Variants in RNF187 observed in about 807,000 individuals in gnomAD.
RNF187 encodes ring finger protein 187.
In RNF187, 18 loss-of-function variants were observed where a neutral mutation model predicts 22.2. The ratio of observed to expected loss-of-function variants is 0.81; its 90% CI spans 0.56 to 1.20. The LOEUF (loss-of-function observed/expected upper bound fraction) is 1.20, where lower values mean the gene tolerates loss of function less well. Ranked by LOEUF, RNF187 falls within the 50% of genes most tolerant of loss-of-function variation. The probability of loss-of-function intolerance (pLI) is 0.00; values close to 1 mark genes in which losing one functional copy is unlikely to be tolerated. For synonymous variants in RNF187, 164 were observed against 140.9 expected (o/e 1.16, Z -1.16); for missense variants, 329 against 317.6 (o/e 1.04, Z -0.27).
chr1:228,495,623 C>T lies in RNF187; in HGVS notation c.*1738C>T. The T allele has an allele frequency of 1.0e-6, 1 of 985,600 alleles. No individual in the cohort carries two copies. Among genetic ancestry groups the T allele is most frequent in the Non-Finnish European group, 1.2e-6 (1 of 829,956 alleles). The allele number at this position is 985,600 out of a possible 1,614,324, so 61.1% of individuals were successfully genotyped here. ...CCCGGACAGGTCCTGATGGCAGAGT[C>T]TCCCACAACATCAGTGTCTCCACAT... On this transcript the variant is annotated 3_prime_UTR_variant, in exon 4 of 4. Coordinates refer to ENST00000305943, the MANE Select transcript of RNF187 (RefSeq NM_001010858.3).
chr1:228,493,784 G>C lies in RNF187; in HGVS notation c.706-99G>C. The C allele has an allele frequency of 5.5e-5, 71 of 1,292,396 alleles. No individual in the cohort carries two copies. Among genetic ancestry groups the C allele is most frequent in the Non-Finnish European group, 7.5e-5 (68 of 912,166 alleles). The allele number at this position is 1,292,396 out of a possible 1,614,324, so 80.1% of individuals were successfully genotyped here. ...CAGTACCTCATGCGCTGTCTCATGTGCGCTCTCTCTTTCGCTCTCTCCTTT... is the reference window on the plus strand; with the variant it reads ...CAGTACCTCATGCGCTGTCTCATGTCCGCTCTCTCTTTCGCTCTCTCCTTT... On this transcript the variant is annotated intron_variant, in intron 3 of 3. Coordinates refer to ENST00000305943, the MANE Select transcript of RNF187 (RefSeq NM_001010858.3). This position sits in a 1 kb window ranked among gnomAD's most constrained non-coding sequence, Gnocchi z 4.7.
chr1:228,491,406 A>AAAT lies in RNF187; in HGVS notation c.484-1645_484-1644insTAA. Among the ~76,000 whole-genome samples the AAAT allele has an allele frequency of 4.7e-4, 70 of 149,328 alleles. 2 individuals carry two copies. In the East Asian group the frequency reaches 9.2e-3, roughly 20 times the overall value. On this transcript the variant is annotated intron_variant, in intron 2 of 3. Transcript: ENST00000305943. ...CTATCTCAAAAAAAAAAAAAAAAAA[A>AAAT]AAATAAAGGGAGATGGGTTAATGGG...
intron 2 of RNF187, among the ~76,000 whole-genome samples, chr1:228,491,989 C>T: frequency 1.2e-3 from 184 of 152,266 alleles, no homozygotes; most frequent in African/African-American, 4.3e-3. Flanking sequence ...GGGAGGGCGT[C>T]TTTCACTTGG....
intron 2 of RNF187, among the ~76,000 whole-genome samples, chr1:228,491,643 T>C: frequency 2.8e-4 from 43 of 152,054 alleles, no homozygotes; most frequent in African/African-American, 8.9e-4. Flanking sequence ...TTTCACCATG[T>C]TGGCCAGGCT....
chr1:228,487,689 G>C lies in RNF187; in HGVS notation c.201G>C (p.Pro67=). Residue 67 remains proline, a synonymous_variant, in exon 1 of 4, where the codon CCG becomes CCC. Transcript: ENST00000305943. ...GCGCCGTGGAGCCCGGCAGGCCCCC[G>C]CTCAGCCGCCGCCTTCTGGCGCTCG... 9.3e-7 allele frequency: 1 copy of C among 1,078,624 alleles called. No individual in the cohort carries two copies. Among genetic ancestry groups the C allele is most frequent in the African/African-American group, 1.7e-5 (1 of 58,806 alleles). 66.8% of individuals were successfully genotyped at this position (1,078,624 alleles called of 1,614,324 possible).
In RNF187 at chr1:228,493,740, G is replaced by C; in HGVS notation, c.706-143G>C. Reference sequence around the variant, plus strand: ...GAGACGGAAGTCTGGGCCAGGCCCTGGGTTTGTTGTGCTCAGGACAGTACC... The same window carrying C: ...GAGACGGAAGTCTGGGCCAGGCCCTCGGTTTGTTGTGCTCAGGACAGTACC... On this transcript the variant is annotated intron_variant, in intron 3 of 3. Transcript: ENST00000305943. The surrounding 1 kb of genome is among the most constrained non-coding windows in gnomAD (Gnocchi z 4.7). 1 of 938,044 alleles carries C rather than the reference G, an allele frequency of 1.1e-6. No homozygotes were observed. Among genetic ancestry groups the C allele is most frequent in the Non-Finnish European group, 1.7e-6 (1 of 597,416 alleles). The allele number at this position is 938,044 out of a possible 1,614,324, so 58.1% of individuals were successfully genotyped here.
chr1:228,487,421 C>T lies in RNF187; in HGVS notation c.-68C>T, dbSNP rs1422478165. 46 of 1,084,230 alleles carry T rather than the reference C, an allele frequency of 4.2e-5. No homozygotes were observed. The highest frequency in any genetic ancestry group is 4.1e-4 in the Middle Eastern group (1 of 2,426). The allele number at this position is 1,084,230 out of a possible 1,614,324, so 67.2% of individuals were successfully genotyped here. ...CCTGTTGCTGGTCTCCGTCCGGTCGCCGGCCGTCTAGGTCTCCGGCCCTCC... is the reference window on the plus strand; with the variant it reads ...CCTGTTGCTGGTCTCCGTCCGGTCGTCGGCCGTCTAGGTCTCCGGCCCTCC... On this transcript the variant is annotated 5_prime_UTR_variant, in exon 1 of 4. Transcript: ENST00000305943.
At position 228,487,482 on chromosome 1, in the gene RNF187, C is replaced by T. The variant is rs1047955305; in HGVS notation, c.-7C>T. ...CTGCGCCCTTGCCGGCCCCGCCGCC[C>T]GCAGCCCTGGCGCTCCCTGCGGGCC... On this transcript the variant is annotated 5_prime_UTR_variant, in exon 1 of 4. Coordinates refer to ENST00000305943, the MANE Select transcript of RNF187 (RefSeq NM_001010858.3). 3 of 1,117,488 alleles carry T rather than the reference C, an allele frequency of 2.7e-6. No individual in the cohort carries two copies. The highest frequency in any genetic ancestry group is 3.3e-5 in the African/African-American group (2 of 60,180). The allele number at this position is 1,117,488 out of a possible 1,614,324, so 69.2% of individuals were successfully genotyped here.
At position 228,487,415 on chromosome 1, in the gene RNF187, C is replaced by T; in HGVS notation, c.-74C>T. On this transcript the variant is annotated 5_prime_UTR_variant, in exon 1 of 4. Coordinates refer to ENST00000305943, the MANE Select transcript of RNF187 (RefSeq NM_001010858.3). ...CTTCGTCCTGTTGCTGGTCTCCGTC[C>T]GGTCGCCGGCCGTCTAGGTCTCCGG... The T allele has an allele frequency of 1.9e-6, 2 of 1,073,844 alleles. No individual in the cohort carries two copies. Among genetic ancestry groups the T allele is most frequent in the Non-Finnish European group, 2.2e-6 (2 of 888,938 alleles). 66.5% of individuals were successfully genotyped at this position (1,073,844 alleles called of 1,614,324 possible).
chr1:228,492,442 C>G, intron 2 of RNF187, among the ~76,000 whole-genome samples: 1 of 151,824 alleles, frequency 6.6e-6, no homozygotes, highest in Non-Finnish European at 1.5e-5. Flanking sequence ...CTGCTTCAGC[C>G]TCCCAAGTAG....
At chr1:228,492,618 C>CCTAATAGTCGATGTGCCTGAGCAGCATG in intron 2 of RNF187, among the ~76,000 whole-genome samples, 1 of 62,110 alleles carries the variant, frequency 1.6e-5, no homozygotes, top group East Asian at 6.0e-4. Context: ...CCGTGCCTGG[C>CCTAATAGTCGATGTGCCTGAGCAGCATG]TTTTTTTTTT....
chr1:228,491,929 G>A, intron 2 of RNF187, among the ~76,000 whole-genome samples: 1 of 152,132 alleles, frequency 6.6e-6, no homozygotes, highest in Non-Finnish European at 1.5e-5. Flanking sequence ...AAATTCTGTC[G>A]GCCTTGACTT....
chr1:228,493,676 G>C lies in RNF187; in HGVS notation c.706-207G>C. 1.3e-5 allele frequency among the ~76,000 whole-genome samples: 2 copies of C among 152,208 alleles called. No homozygotes were observed. The highest frequency in any genetic ancestry group is 1.3e-4 in the Admixed American group (2 of 15,292). ...CCAGATGGCCCTGAACGGTTCAGTT[G>C]CCCGTGCCAGCCATAGGTGACAAGG... On this transcript the variant is annotated intron_variant, in intron 3 of 3. Coordinates refer to ENST00000305943, the MANE Select transcript of RNF187 (RefSeq NM_001010858.3). The surrounding 1 kb of genome is among the most constrained non-coding windows in gnomAD (Gnocchi z 4.7).
chr1:228,489,060 G>T lies in RNF187; in HGVS notation c.483+8G>T. The T allele has an allele frequency of 6.5e-7, 1 of 1,543,658 alleles. No individual in the cohort carries two copies. ...GCAGCTGCAGTGTGGAAGGCAAGTG[G>T]GGGGACCTGGGGCAGCCTGGAATGA... is the stretch of plus-strand genomic sequence containing the variant. On this transcript the variant is annotated splice_region_variant and intron_variant, in intron 2 of 3. Transcript: ENST00000305943.
In RNF187 at chr1:228,487,824, G is replaced by T; in HGVS notation, c.336G>T (p.Ala112=). Residue 112 remains alanine, a synonymous_variant, in exon 1 of 4, where the codon GCG becomes GCT. Transcript: ENST00000305943. ...TCTGCGCCGCCTGCCGTATGGCTGC[G>T]GGCCCCGAGCCGCCCGAGTGGGAAC... 8.3e-7 allele frequency: 1 copy of T among 1,201,414 alleles called. No individual in the cohort carries two copies. Among genetic ancestry groups the T allele is most frequent in the Non-Finnish European group, 1.0e-6 (1 of 964,808 alleles). The allele number at this position is 1,201,414 out of a possible 1,614,324, so 74.4% of individuals were successfully genotyped here. A position where few individuals can be genotyped will look rare whatever the true frequency, so the allele number is the denominator to read the frequency against.
chr1:228,493,482 G>C lies in RNF187; in HGVS notation c.705+208G>C. ...TTTTAAGTTGAGGAGGGTCTGAGGT[G>C]TCCCTGACCTTCACAAAGGAGGGCA... is the stretch of plus-strand genomic sequence containing the variant. On this transcript the variant is annotated intron_variant, in intron 3 of 3. Coordinates refer to ENST00000305943, the MANE Select transcript of RNF187 (RefSeq NM_001010858.3). The surrounding 1 kb of genome is among the most constrained non-coding windows in gnomAD (Gnocchi z 4.7). Among the ~76,000 whole-genome samples the C allele has an allele frequency of 3.9e-5, 6 of 152,264 alleles. No individual in the cohort carries two copies. The highest frequency in any genetic ancestry group is 1.4e-4 in the African/African-American group (6 of 41,478).
Position 228,495,520 on chromosome 1 carries a change from T to C in RNF187, c.*1635T>C. ...GACCCTGAGACCTCCAGTTTGTCTT[T>C]CTCACTGTCTCCGCCTGCTGCAGTC... On this transcript the variant is annotated 3_prime_UTR_variant, in exon 4 of 4. Coordinates refer to ENST00000305943, the MANE Select transcript of RNF187 (RefSeq NM_001010858.3). The C allele has an allele frequency of 2.0e-6, 2 of 985,332 alleles. No individual in the cohort carries two copies. The highest frequency in any genetic ancestry group is 2.4e-6 in the Non-Finnish European group (2 of 829,960). The allele number at this position is 985,332 out of a possible 1,614,324, so 61.0% of individuals were successfully genotyped here.
chr1:228,489,823 A>G, intron 2 of RNF187, among the ~76,000 whole-genome samples: 2 of 152,094 alleles, frequency 1.3e-5, no homozygotes, highest in African/African-American at 4.8e-5. Context: ...CACCCTCACA[A>G]CCTCATCACC....
Position 228,495,758 on chromosome 1 carries a change from G to A in RNF187, c.*1873G>A. The A allele has an allele frequency of 4.1e-6, 4 of 982,872 alleles. No homozygotes were observed. The highest frequency in any genetic ancestry group is 3.6e-6 in the Non-Finnish European group (3 of 827,648). The allele number at this position is 982,872 out of a possible 1,614,324, so 60.9% of individuals were successfully genotyped here. A position where few individuals can be genotyped will look rare whatever the true frequency, so the allele number is the denominator to read the frequency against. On this transcript the variant is annotated 3_prime_UTR_variant, in exon 4 of 4. Transcript: ENST00000305943. Reference sequence around the variant, plus strand: ...ATTTAAGAAAATTATATATTTATGGGGCACAGTGTGATGTTTTGATATCTA... The same window carrying A: ...ATTTAAGAAAATTATATATTTATGGAGCACAGTGTGATGTTTTGATATCTA...
Sources: gnomAD v4.1 joint callset for allele counts (sites outside exome capture counted in the v4.1 genomes callset) on GRCh38, gnomAD v4.1.1 for gene constraint, Gnocchi (gnomAD v3.1) non-coding constraint, MANE v1.5 for transcripts, NCBI Gene and HGNC (gene_info 2026-07-23, HGNC 2026-07-21) for gene names.